Variants in QRICH1 observed in about 807,000 individuals in gnomAD.
The protein encoded by QRICH1 is glutamine rich 1.
In QRICH1, 16 loss-of-function variants were observed where a neutral mutation model predicts 87.1. The observed-to-expected ratio is 0.18, with a 90% confidence interval of 0.12 to 0.28. The LOEUF (loss-of-function observed/expected upper bound fraction) is 0.28. Among genes scored for constraint, QRICH1 ranks in the 10% least tolerant of loss-of-function variants. The pLI is 1.00. For synonymous variants in QRICH1, 367 were observed against 368.4 expected (o/e 1.00, Z 0.05); for missense variants, 647 against 951.7 (o/e 0.68, Z 4.21).
At chr3:49,088,320 AG>A (rs1273759199) in intron 1 of QRICH1, among the ~76,000 whole-genome samples, 3 of 151,978 alleles carry the variant, frequency 2.0e-5, no homozygotes, top group African/African-American at 7.2e-5. Flanking sequence ...TTTGAGACGA[AG>A]TCTCGTTTTC....
intron 2 of QRICH1, among the ~76,000 whole-genome samples, chr3:49,066,828 A>G (rs1195918533): frequency 6.6e-6 from 1 of 151,918 alleles, no homozygotes; most frequent in East Asian, 1.9e-4. Flanking sequence ...ACCTGAGGTA[A>G]GGAGTTCGAG....
chr3:49,066,284 C>T (rs1198866293), intron 2 of QRICH1, among the ~76,000 whole-genome samples: 2 of 151,250 alleles, frequency 1.3e-5, no homozygotes, highest in African/African-American at 2.4e-5. Flanking sequence ...AGACCTCCAT[C>T]TCAGAAAAAA....
chr3:49,041,562 A>G (rs1380123048), intron 6 of QRICH1, among the ~76,000 whole-genome samples: 2 of 152,038 alleles, frequency 1.3e-5, no homozygotes, highest in Non-Finnish European at 2.9e-5. Flanking sequence ...TCCTGGGCTC[A>G]ACTGATCTTC....
intron 6 of QRICH1, among the ~76,000 whole-genome samples, chr3:49,041,755 C>A (rs866365587): frequency 4.6e-5 from 7 of 151,948 alleles, no homozygotes; most frequent in Non-Finnish European, 7.4e-5. Flanking sequence ...CTCAGCTTCC[C>A]GAGTAGCTGG....
chr3:49,033,272 G>A (rs780368539), intron 6 of QRICH1, 44 bp from the exon 7 acceptor site: 3 of 1,285,508 alleles, frequency 2.3e-6, no homozygotes, highest in African/African-American at 1.5e-5. Flanking sequence ...ATGGCAGGTG[G>A]TCTCTCAAAG....
At chr3:49,050,694 AAACAACAAC>A (rs138950270) in intron 3 of QRICH1, among the ~76,000 whole-genome samples, 63 of 150,568 alleles carry the variant, frequency 4.2e-4, no homozygotes, top group Middle Eastern at 3.4e-3. Context: ...GGATCACAAA[AAACAACAAC>A]AACAACAACA....
intron 2 of QRICH1, among the ~76,000 whole-genome samples, chr3:49,071,069 T>A (rs1386629479): frequency 5.7e-5 from 1 of 17,440 alleles, no homozygotes; most frequent in Non-Finnish European, 1.2e-4. Context: ...ATCCCCAAAC[T>A]TTTTTTTTTT....
rs148225038 is a variant in QRICH1, at chr3:49,050,592, A to G, written c.1339-3346T>C. Among the ~76,000 whole-genome samples the G allele has an allele frequency of 1.1e-4, 16 of 152,226 alleles. No homozygotes were observed. The East Asian group carries it at 3.1e-3, about 29-fold the overall frequency. On this transcript the variant is annotated intron_variant, in intron 3 of 9. Coordinates refer to ENST00000395443, the MANE Select transcript of QRICH1 (RefSeq NM_198880.3). ...CCAGAATACTGCGATATATTAAATT[A>G]CAGTCCAGGGCAAAGAGCTGATTCA...
chr3:49,080,479 A>G (rs1347140801), intron 1 of QRICH1, among the ~76,000 whole-genome samples: 3 of 152,148 alleles, frequency 2.0e-5, no homozygotes, highest in Non-Finnish European at 4.4e-5. Context: ...ATATCAAACA[A>G]AACAAAAACA....
intron 6 of QRICH1, among the ~76,000 whole-genome samples, chr3:49,043,496 C>CAAAA (rs57402124): frequency 5.3e-5 from 2 of 37,628 alleles, no homozygotes; most frequent in African/African-American, 1.2e-4. Flanking sequence ...AACTCTGTCT[C>CAAAA]AAAAAAAAAA....
chr3:49,079,428 AAAT>A (rs1023246938), intron 1 of QRICH1, among the ~76,000 whole-genome samples: 71 of 148,208 alleles, frequency 4.8e-4, no homozygotes, highest in Admixed American at 3.3e-3. Context: ...AATTATAATA[AAAT>A]ATTATAATAA....
rs1168988601 is a variant in QRICH1, at chr3:49,057,241, C to A, written c.959G>T (p.Gly320Val). 5.0e-6 allele frequency: 8 copies of A among 1,614,050 alleles called. No individual in the cohort carries two copies. The highest frequency in any genetic ancestry group is 1.3e-5 in the African/African-American group (1 of 74,934). ...GGTAATGCTCTGCTGCTGAGGGTCC[C>A]CCCGGGGCTGGGCAGAATAAACAGG... ...TIPVYSAQPR[G>V]DPQQQSITHI... Residue 320 changes from glycine (G) to valine (V), a missense_variant, in exon 3 of 10, where the codon GGG becomes GTG. Coordinates refer to ENST00000395443, the MANE Select transcript of QRICH1 (RefSeq NM_198880.3). This position sits in a 1 kb window ranked among gnomAD's most constrained non-coding sequence, Gnocchi z 5.4.
At chr3:49,051,903 C>T (rs921175271) in intron 3 of QRICH1, among the ~76,000 whole-genome samples, 3 of 152,130 alleles carry the variant, frequency 2.0e-5, no homozygotes, top group Non-Finnish European at 4.4e-5. Context: ...TTCTTCCAAA[C>T]GTGTCCAAAT....
intron 6 of QRICH1, 79 bp from the exon 7 acceptor site, chr3:49,033,307 T>C: frequency 1.2e-6 from 1 of 849,534 alleles, no homozygotes; most frequent in Non-Finnish European, 1.7e-6. Context: ...GTGTGAAGCA[T>C]AAGGACCACA....
chr3:49,057,654 A>G lies in QRICH1; in HGVS notation c.546T>C (p.Ala182=), dbSNP rs1380058984. 1.2e-6 allele frequency: 2 copies of G among 1,614,216 alleles called. No individual in the cohort carries two copies. The highest frequency in any genetic ancestry group is 2.2e-5 in the South Asian group (2 of 91,084). The stretch of plus-strand genomic sequence containing the variant: ...GGATGTGCTCCTCCGGGATTTCTGC[A>G]GCCTGGATCTGCTGGGCTGCTTGCA... ...QHVQAAQQIQ[A]AEIPEEHIPH... Residue 182 remains alanine, a synonymous_variant, in exon 3 of 10, where the codon GCT becomes GCC. Transcript: ENST00000395443. The surrounding 1 kb of genome is among the most constrained non-coding windows in gnomAD (Gnocchi z 5.4).
intron 1 of QRICH1, among the ~76,000 whole-genome samples, chr3:49,077,477 G>A (rs1413558600): frequency 6.6e-6 from 1 of 152,196 alleles, no homozygotes; most frequent in Non-Finnish European, 1.5e-5. Context: ...ATTTCCTACA[G>A]CAGAGATAGG....
intron 6 of QRICH1, among the ~76,000 whole-genome samples, chr3:49,036,078 C>T (rs1243680994): frequency 6.6e-6 from 1 of 151,736 alleles, no homozygotes; most frequent in African/African-American, 2.4e-5. Flanking sequence ...AGAGCAAGAC[C>T]CTGTCTCAAA....
At chr3:49,076,577 C>T in intron 2 of QRICH1, 132 bp downstream of exon 2, 3 of 943,398 alleles carry the variant, frequency 3.2e-6, no homozygotes, top group Non-Finnish European at 1.5e-6. Flanking sequence ...AACTTTTAGT[C>T]CACATTAACT....
At chr3:49,050,737 A>C (rs2093365843) in intron 3 of QRICH1, among the ~76,000 whole-genome samples, 1 of 151,972 alleles carries the variant, frequency 6.6e-6, no homozygotes, top group Non-Finnish European at 1.5e-5. Flanking sequence ...CCTATTACTC[A>C]AACAATTTCT....
Sources: allele counts gnomAD v4.1 joint callset (sites outside exome capture counted in the v4.1 genomes callset), GRCh38; gene constraint gnomAD v4.1.1; non-coding constraint Gnocchi (gnomAD v3.1); transcripts MANE v1.5; gene names NCBI Gene and HGNC (gene_info 2026-07-23, HGNC 2026-07-21).